Variants in NALF1 observed in about 807,000 individuals in gnomAD.
NALF1 encodes the protein NALCN channel auxiliary factor 1.
NALF1 carries 3 observed loss-of-function variants against 48.4 expected under a neutral mutation model. The observed-to-expected ratio is 0.06, with a 90% CI of 0.03 to 0.16. The LOEUF (loss-of-function observed/expected upper bound fraction) is 0.16, where lower values mean the gene tolerates loss of function less well. NALF1 is among the 10% of genes least tolerant of loss of function. The pLI is 1.00. For synonymous variants in NALF1, 262 were observed against 245.7 expected (o/e 1.07, Z -0.62); for missense variants, 526 against 571.5 (o/e 0.92, Z 0.81).
chr13:107,709,479 C>A (rs753700042), intron 1 of NALF1, among the ~76,000 whole-genome samples: 1 of 152,176 alleles, frequency 6.6e-6, no homozygotes, highest in Non-Finnish European at 1.5e-5. Flanking sequence ...CAACTCATTG[C>A]ATGCTAACCA....
chr13:107,217,640 A>C (rs765876047), intron 1 of NALF1, among the ~76,000 whole-genome samples: 1 of 151,950 alleles, frequency 6.6e-6, no homozygotes, highest in Non-Finnish European at 1.5e-5. Flanking sequence ...TTCTTTTCGG[A>C]GGGAAGCAGG....
chr13:107,175,225 C>T (rs1014557360), intron 2 of NALF1, among the ~76,000 whole-genome samples: 2 of 148,878 alleles, frequency 1.3e-5, no homozygotes, highest in Non-Finnish European at 3.0e-5. Flanking sequence ...GAAAAAGTTC[C>T]CTCCAGGAAG....
At chr13:107,678,552 C>T (rs1174725006) in intron 1 of NALF1, among the ~76,000 whole-genome samples, 1 of 152,192 alleles carries the variant, frequency 6.6e-6, no homozygotes, top group African/African-American at 2.4e-5. Context: ...ACACTGCTTT[C>T]GTCTGCGGTT....
At chr13:107,403,806 C>G (rs967881251) in intron 1 of NALF1, among the ~76,000 whole-genome samples, 5 of 151,730 alleles carry the variant, frequency 3.3e-5, no homozygotes, top group African/African-American at 1.2e-4. Flanking sequence ...TCTGAACAAG[C>G]AGAAACGTCT....
intron 1 of NALF1, among the ~76,000 whole-genome samples, chr13:107,730,879 G>A (rs1303288149): frequency 1.3e-5 from 2 of 152,160 alleles, no homozygotes; most frequent in East Asian, 3.8e-4. Context: ...GCTTGAGTCT[G>A]TATCCCATTA....
In NALF1 at chr13:107,520,440, T is replaced by C. The variant is rs1001934547; in HGVS notation, c.916-309685A>G. ...ATTACAACAGAAAGTAAGGAGAGGA[T>C]TGAAGCTATACCTGAAGAAATGAGC... On this transcript the variant is annotated intron_variant, in intron 1 of 2. Transcript: ENST00000375915. Among the ~76,000 whole-genome samples the C allele has an allele frequency of 3.3e-5, 5 of 152,322 alleles. No individual in the cohort carries two copies. In the East Asian group the frequency reaches 5.8e-4, roughly 18 times the overall value.
intron 1 of NALF1, among the ~76,000 whole-genome samples, chr13:107,211,534 T>C (rs1879762065): frequency 6.6e-6 from 1 of 152,192 alleles, no homozygotes; most frequent in Admixed American, 6.5e-5. Context: ...TGGTGGCTAT[T>C]TGGGAAAACA....
Position 107,508,178 on chromosome 13 carries a change from G to A in NALF1, c.916-297423C>T, listed in dbSNP as rs375500907. ...GAGATGGTAAATGTTAGAGGATATT[G>A]TGCTTTTTTATGAAACCTTTAAAAG... On this transcript the variant is annotated intron_variant, in intron 1 of 2. Transcript: ENST00000375915. Among the ~76,000 whole-genome samples, 7 of 152,094 alleles carry A rather than the reference G, an allele frequency of 4.6e-5. No individual in the cohort carries two copies. The South Asian group carries it at 1.5e-3, about 32-fold the overall frequency.
intron 1 of NALF1, among the ~76,000 whole-genome samples, chr13:107,689,783 C>T (rs1436766977): frequency 2.0e-5 from 3 of 152,132 alleles, no homozygotes; most frequent in Admixed American, 6.5e-5. Context: ...ACTTTGAAAA[C>T]ATTTCAGGCT....
intron 1 of NALF1, among the ~76,000 whole-genome samples, chr13:107,395,218 C>G (rs980329970): frequency 6.6e-6 from 1 of 152,094 alleles, no homozygotes; most frequent in African/African-American, 2.4e-5. Flanking sequence ...TTTTTAAAAA[C>G]AAGATCATCT....
At chr13:107,412,531 C>T (rs1252457264) in intron 1 of NALF1, among the ~76,000 whole-genome samples, 4 of 152,072 alleles carry the variant, frequency 2.6e-5, no homozygotes, top group South Asian at 2.1e-4. Context: ...ATACCATCTT[C>T]ACCAGTACCA....
chr13:107,535,999 G>C (rs1876794452), intron 1 of NALF1, among the ~76,000 whole-genome samples: 1 of 152,116 alleles, frequency 6.6e-6, no homozygotes, highest in South Asian at 2.1e-4. Flanking sequence ...TTTAATAAAT[G>C]GTGCTGGGAA....
intron 1 of NALF1, among the ~76,000 whole-genome samples, chr13:107,449,799 T>C (rs930195855): frequency 2.6e-5 from 4 of 152,170 alleles, no homozygotes; most frequent in African/African-American, 9.6e-5. Context: ...CATAATTTGA[T>C]TGGTGCAATA....
chr13:107,423,074 C>T (rs879470151), intron 1 of NALF1, among the ~76,000 whole-genome samples: 3 of 152,156 alleles, frequency 2.0e-5, no homozygotes, highest in Non-Finnish European at 4.4e-5. Context: ...CCCCTACATT[C>T]GTGTTCATTT....
At chr13:107,658,933 T>C (rs549171558) in intron 1 of NALF1, among the ~76,000 whole-genome samples, 1 of 152,242 alleles carries the variant, frequency 6.6e-6, no homozygotes, top group African/African-American at 2.4e-5. Context: ...TGACCTGAAA[T>C]GTGACCGCTT....
chr13:107,692,755 A>G (rs1190076825), intron 1 of NALF1, among the ~76,000 whole-genome samples: 3 of 152,208 alleles, frequency 2.0e-5, no homozygotes, highest in Non-Finnish European at 2.9e-5. Flanking sequence ...AATTTGGTAT[A>G]TATTTATGGC....
At chr13:107,697,344 T>C (rs924486153) in intron 1 of NALF1, among the ~76,000 whole-genome samples, 7 of 152,130 alleles carry the variant, frequency 4.6e-5, no homozygotes, top group Admixed American at 2.6e-4. Context: ...AAGATTCTAA[T>C]TTGCCAAGTA....
At chr13:107,752,373 A>T (rs77062300) in intron 1 of NALF1, among the ~76,000 whole-genome samples, 9,977 of 152,194 alleles carry the variant, frequency 0.066, 560 homozygotes, top group African/African-American at 0.16. Context: ...CTGTATATAC[A>T]CAAGGTATAC....
At chr13:107,697,428 A>C (rs1460690504) in intron 1 of NALF1, among the ~76,000 whole-genome samples, 1 of 152,178 alleles carries the variant, frequency 6.6e-6, no homozygotes, top group Non-Finnish European at 1.5e-5. Flanking sequence ...ATCTTATCAA[A>C]ATAATTTTAT....
Sources: allele counts gnomAD v4.1 joint callset (sites outside exome capture counted in the v4.1 genomes callset), GRCh38; gene constraint gnomAD v4.1.1; transcripts MANE v1.5; gene names NCBI Gene and HGNC (gene_info 2026-07-23, HGNC 2026-07-21).